The following DTNA variants were observed in gnomAD, a reference collection of about 807,000 sequenced individuals.
The protein encoded by DTNA is dystrobrevin alpha.
A neutral mutation model predicts 100.7 loss-of-function variants in DTNA; 43 were observed. The ratio of observed to expected loss-of-function variants is 0.43; its 90% confidence interval spans 0.33 to 0.55. The LOEUF is 0.55. DTNA is among the 20% of genes least tolerant of loss of function. The probability of loss-of-function intolerance (pLI) is 0.04; values close to 1 mark genes in which losing one functional copy is unlikely to be tolerated. For synonymous variants in DTNA, 349 were observed against 347.9 expected (o/e 1.00, Z -0.04); for missense variants, 798 against 953.9 (o/e 0.84, Z 2.15).
At chr18:34,607,765 T>A (rs2053433587) in intron 1 of DTNA, among the ~76,000 whole-genome samples, 1 of 152,166 alleles carries the variant, frequency 6.6e-6, no homozygotes, top group Admixed American at 6.5e-5. Flanking sequence ...AAGTTCTGGG[T>A]TTTGCTGGAA....
intron 1 of DTNA, among the ~76,000 whole-genome samples, chr18:34,525,993 G>A (rs1568590246): frequency 6.6e-6 from 1 of 152,132 alleles, no homozygotes; most frequent in Non-Finnish European, 1.5e-5. Context: ...AGAATTGTAA[G>A]GGCAGGTACA....
At chr18:34,663,209 A>G (rs1028567107) in intron 1 of DTNA, among the ~76,000 whole-genome samples, 2 of 152,098 alleles carry the variant, frequency 1.3e-5, no homozygotes, top group African/African-American at 4.8e-5. Flanking sequence ...GCTGGAGTTC[A>G]TTGGCATGAT....
Position 34,532,088 on chromosome 18 carries a change from G to C in DTNA, c.-2+38574G>C, listed in dbSNP as rs182214144. On this transcript the variant is annotated intron_variant, in intron 1 of 19. Transcript: ENST00000283365. ...TGCCCATTATTGTAAAAGCCCCTTT[G>C]GGAACTACAAAGATGAATGAGACAT... 3.9e-3 allele frequency among the ~76,000 whole-genome samples: 591 copies of C among 152,170 alleles called. 1 individual carries two copies. The highest frequency in any genetic ancestry group is 0.015 in the South Asian group (70 of 4,826).
At chr18:34,531,858 G>GT (rs1201365173) in intron 1 of DTNA, among the ~76,000 whole-genome samples, 1 of 152,064 alleles carries the variant, frequency 6.6e-6, no homozygotes, top group African/African-American at 2.4e-5. Flanking sequence ...CCAAACAGAG[G>GT]TTTTTGGCTT....
rs139309148 is a variant in DTNA, at chr18:34,887,641, A to ATG, written c.*32-110_*32-109dup. On this transcript the variant is annotated intron_variant, in intron 22 of 22. Coordinates refer to ENST00000444659, the MANE Select transcript of DTNA (RefSeq NM_001386795.1). ...TCGTAGGAAAGGAGTGTGTGTGTGC[A>ATG]TGTGTGTGTGTGTGTGCGCGCGCAC... 4.0e-3 allele frequency: 2,211 copies of ATG among 559,726 alleles called. 2 individuals are homozygous for ATG. Among genetic ancestry groups the ATG allele is most frequent in the Non-Finnish European group, 4.6e-3 (2,036 of 441,566 alleles). The allele number at this position is 559,726 out of a possible 1,614,324, so 34.7% of individuals were successfully genotyped here. A position where few individuals can be genotyped will look rare whatever the true frequency, so the allele number is the denominator to read the frequency against.
chr18:34,541,475 C>G (rs543817366), intron 1 of DTNA, among the ~76,000 whole-genome samples: 6 of 152,100 alleles, frequency 3.9e-5, no homozygotes, highest in African/African-American at 1.2e-4. Flanking sequence ...GAATAAGTCT[C>G]ATGAGGTGTG....
At chr18:34,519,807 T>G (rs2041991826) in intron 1 of DTNA, among the ~76,000 whole-genome samples, 1 of 152,170 alleles carries the variant, frequency 6.6e-6, no homozygotes, top group South Asian at 2.1e-4. Flanking sequence ...ACGAAGATAA[T>G]AAGATCATCC....
chr18:34,593,488 G>A (rs576128654), intron 1 of DTNA: 9 of 152,222 alleles, frequency 5.9e-5, no homozygotes, highest in African/African-American at 2.2e-4. Flanking sequence ...ATATGTTCTG[G>A]ATGTACTGGA....
chr18:34,562,031 AT>A (rs771632658), intron 1 of DTNA, among the ~76,000 whole-genome samples: 2 of 152,082 alleles, frequency 1.3e-5, no homozygotes, highest in African/African-American at 2.4e-5. Context: ...TATTAAACTC[AT>A]TTCCTTTTTT....
intron 1 of DTNA, among the ~76,000 whole-genome samples, chr18:34,722,925 A>T (rs2085695684): frequency 6.6e-6 from 1 of 152,152 alleles, no homozygotes; most frequent in Non-Finnish European, 1.5e-5. Context: ...TTGTTTATCC[A>T]TTCATCTTTG....
In DTNA at chr18:34,838,063, C is replaced by T. The variant is rs765368051; in HGVS notation, c.1176-31C>T. The T allele has an allele frequency of 5.6e-6, 9 of 1,608,456 alleles. No homozygotes were observed. In the Admixed American group the frequency reaches 1.2e-4, roughly 21 times the overall value. On this transcript the variant is annotated intron_variant, in intron 11 of 22. Transcript: ENST00000444659. Reference sequence around the variant, plus strand: ...TCTTGAATGCATTGCCGTGTTTACGCTCTTCTTGGCTTTCCCATCTTATTA... The same window carrying T: ...TCTTGAATGCATTGCCGTGTTTACGTTCTTCTTGGCTTTCCCATCTTATTA...
chr18:34,658,655 T>C (rs1229425155), intron 1 of DTNA, among the ~76,000 whole-genome samples: 1 of 152,178 alleles, frequency 6.6e-6, no homozygotes. Flanking sequence ...ATGTGGCCTT[T>C]ATCAAAATCC....
intron 9 of DTNA, among the ~76,000 whole-genome samples, chr18:34,825,097 T>A (rs527397155): frequency 6.6e-6 from 1 of 152,282 alleles, no homozygotes; most frequent in Non-Finnish European, 1.5e-5. Context: ...GGACTTTTTT[T>A]TTCTACCCAC....
At chr18:34,673,831 T>G (rs1328404333) in intron 1 of DTNA, among the ~76,000 whole-genome samples, 1 of 152,234 alleles carries the variant, frequency 6.6e-6, no homozygotes, top group Admixed American at 6.5e-5. Flanking sequence ...TTTATCCACT[T>G]CTATTGACGA....
rs775527586 is a variant in DTNA at position 34,851,840 on chromosome 18, C to G, written c.1444C>G (p.Gln482Glu). The change falls in exon 15 of 23, where the codon CAG (glutamine) becomes GAG (glutamate). Residue 482 changes from glutamine to glutamate, a missense_variant. Physicochemically the swap from Gln to Glu is conservative, Grantham distance 29 (BLOSUM62 2). This residue lies in a region of DTNA where 159 missense variants were observed against 201.2 expected (regional missense o/e 0.79). Coordinates refer to ENST00000444659, the MANE Select transcript of DTNA (RefSeq NM_001386795.1). ...AAESSSSQPP[Q>E]QRSAPDISFT... ...ACTACATATTTTACAGCAGCCACCT[C>G]AGCAGAGAAGTGCTCCTGACATCTC... is the stretch of plus-strand genomic sequence containing the variant. 3 of 1,613,884 alleles carry G rather than the reference C, an allele frequency of 1.9e-6. No homozygotes were observed. Among genetic ancestry groups the G allele is most frequent in the Non-Finnish European group, 1.7e-6 (2 of 1,179,906 alleles).
intron 10 of DTNA, among the ~76,000 whole-genome samples, chr18:34,828,726 C>T (rs770711567): frequency 2.6e-4 from 40 of 152,144 alleles, no homozygotes; most frequent in Non-Finnish European, 4.4e-4. Context: ...GATGTATAAA[C>T]GAGGTCTGTA....
chr18:34,530,045 C>T (rs992992050), intron 1 of DTNA, among the ~76,000 whole-genome samples: 1 of 152,070 alleles, frequency 6.6e-6, no homozygotes, highest in Non-Finnish European at 1.5e-5. Flanking sequence ...ATACAAAGGC[C>T]AGAGCTGCGT....
intron 1 of DTNA, among the ~76,000 whole-genome samples, chr18:34,741,296 G>T (rs991265741): frequency 6.6e-6 from 1 of 151,700 alleles, no homozygotes; most frequent in African/African-American, 2.4e-5. Context: ...GAATAAGCAG[G>T]GTATCCTCCC....
intron 14 of DTNA, among the ~76,000 whole-genome samples, chr18:34,849,884 C>A (rs2096450620): frequency 6.6e-6 from 1 of 152,214 alleles, no homozygotes; most frequent in Non-Finnish European, 1.5e-5. Flanking sequence ...TACTTCCCTG[C>A]CCCTTTCAGC....
Sources: gnomAD v4.1 joint callset for allele counts (sites outside exome capture counted in the v4.1 genomes callset) on GRCh38, gnomAD v4.1.1 for gene constraint, gnomAD v4.1.1 regional missense constraint, MANE v1.5 for transcripts, NCBI Gene and HGNC (gene_info 2026-07-23, HGNC 2026-07-21) for gene names.